LRRC31: variants seen among roughly 807,000 people sequenced by gnomAD.
LRRC31 encodes leucine rich repeat containing 31.
In LRRC31, 35 loss-of-function variants were observed where a neutral mutation model predicts 46.7. The observed-to-expected ratio is 0.75, with a 90% confidence interval of 0.57 to 0.99. The LOEUF (loss-of-function observed/expected upper bound fraction) is 0.99. LRRC31 is among the 50% of genes least tolerant of loss of function. The pLI is 0.00. For synonymous variants in LRRC31, 236 were observed against 235.1 expected (o/e 1.00, Z -0.03); for missense variants, 613 against 626.1 (o/e 0.98, Z 0.22).
Position 169,869,643 on chromosome 3 carries a change from G to A in LRRC31, c.165C>T (p.Thr55=). The change falls in exon 1 of 9, where the codon ACC becomes ACT. Residue 55 remains threonine, a synonymous_variant. Coordinates refer to ENST00000316428, the MANE Select transcript of LRRC31 (RefSeq NM_024727.4). ...QPSDWIQKTA[T]SETAKPLSSE... ...CAGCCAGCAGCTTACCAGTCTCTGA[G>A]GTGGCTGTCTTCTGTATCCAGTCGC... 2 of 1,600,332 alleles carry A rather than the reference G, an allele frequency of 1.2e-6. No individual in the cohort carries two copies. The highest frequency in any genetic ancestry group is 1.7e-6 in the Non-Finnish European group (2 of 1,174,556).
chr3:169,851,546 G>T, intron 7 of LRRC31, 73 bp downstream of exon 7: 1 of 1,439,700 alleles, frequency 6.9e-7, no homozygotes, highest in Non-Finnish European at 9.5e-7. Context: ...GCCTTGGAAT[G>T]AAATGCAGGG....
At chr3:169,867,246 C>CTTTT (rs757102934) in intron 1 of LRRC31, among the ~76,000 whole-genome samples, 6 of 78,778 alleles carry the variant, frequency 7.6e-5, no homozygotes, top group Non-Finnish European at 1.1e-4. Flanking sequence ...GAGATGGAGT[C>CTTTT]TTTTTTTTTT....
At chr3:169,861,631 G>A in intron 2 of LRRC31, 39 bp downstream of exon 2, 1 of 1,603,412 alleles carries the variant, frequency 6.2e-7, no homozygotes. Context: ...CAATGGAAAG[G>A]CCCTATCTTC....
chr3:169,857,415 C>CATATATATATATATAGATATATATATAT (rs1553924970), intron 3 of LRRC31, among the ~76,000 whole-genome samples: 1 of 98,674 alleles, frequency 1.0e-5, no homozygotes, highest in African/African-American at 3.6e-5. Flanking sequence ...TATACATATA[C>CATATATATATATATAGATATATATATAT]ATATATATAT....
intron 3 of LRRC31, among the ~76,000 whole-genome samples, chr3:169,860,102 C>T (rs1039566227): frequency 6.6e-6 from 1 of 151,570 alleles, no homozygotes; most frequent in African/African-American, 2.4e-5. Flanking sequence ...CGAGACTGCA[C>T]CACTGCACTC....
At chr3:169,854,661 A>G (rs546847652) in intron 6 of LRRC31, 152 bp downstream of exon 6, 1 of 570,952 alleles carries the variant, frequency 1.8e-6, no homozygotes, top group South Asian at 2.7e-5. Flanking sequence ...CATGCCAAGT[A>G]CTACATTGGG....
At chr3:169,863,202 A>G (rs901744035) in intron 1 of LRRC31, among the ~76,000 whole-genome samples, 2 of 152,154 alleles carry the variant, frequency 1.3e-5, no homozygotes, top group African/African-American at 4.8e-5. Flanking sequence ...CATTTAAGAC[A>G]TACATAAAAC....
intron 5 of LRRC31, among the ~76,000 whole-genome samples, chr3:169,855,903 A>G (rs1325591225): frequency 6.6e-6 from 1 of 151,998 alleles, no homozygotes; most frequent in Non-Finnish European, 1.5e-5. Context: ...ATAAAATATA[A>G]AATATGTATA....
At chr3:169,863,414 A>C (rs41399944) in intron 1 of LRRC31, among the ~76,000 whole-genome samples, 3,567 of 152,298 alleles carry the variant, frequency 0.023, 126 homozygotes, top group African/African-American at 0.082. Context: ...GAAGAAATAC[A>C]TTGGTACCTG....
intron 8 of LRRC31, among the ~76,000 whole-genome samples, chr3:169,844,930 C>CAAAAAAAAAAAAAAAAAACAAAAA (rs1780559413): frequency 1.0e-5 from 1 of 99,628 alleles, no homozygotes; most frequent in Non-Finnish European, 2.2e-5. Flanking sequence ...GACTCCATCT[C>CAAAAAAAAAAAAAAAAAACAAAAA]AAAAAAAAAA....
rs760305897 is a variant in LRRC31 at position 169,854,893 on chromosome 3, G to A, written c.911C>T (p.Ala304Val). 6.2e-7 allele frequency: 1 copy of A among 1,613,756 alleles called. No individual in the cohort carries two copies. Among genetic ancestry groups the A allele is most frequent in the Non-Finnish European group, 8.5e-7 (1 of 1,179,922 alleles). Residue 304 changes from alanine (A) to valine (V), a missense_variant, in exon 6 of 9, where the codon GCT becomes GTT. Physicochemically the swap from Ala to Val is moderately conservative, Grantham distance 64. Transcript: ENST00000316428. ...DLGGGFEDSPAQLVMLKHLQV... is the reference protein window; with the variant it reads ...DLGGGFEDSPVQLVMLKHLQV... Reference sequence around the variant, plus strand: ...TAGATGCTTTAGCATGACCAACTGAGCCGGCGAGTCTTCAAAACCTCCACC... The same window carrying A: ...TAGATGCTTTAGCATGACCAACTGAACCGGCGAGTCTTCAAAACCTCCACC...
chr3:169,848,641 T>C (rs1325426976), intron 7 of LRRC31, among the ~76,000 whole-genome samples: 1 of 152,166 alleles, frequency 6.6e-6, no homozygotes, highest in African/African-American at 2.4e-5. Context: ...TGTATTTTAA[T>C]AGAGACGCTG....
At chr3:169,859,693 G>A (rs959475945) in intron 3 of LRRC31, among the ~76,000 whole-genome samples, 8 of 152,094 alleles carry the variant, frequency 5.3e-5, no homozygotes, top group African/African-American at 1.9e-4. Flanking sequence ...TAAAAATCTT[G>A]TTTTGTTTAA....
At chr3:169,863,313 T>C (rs1328794215) in intron 1 of LRRC31, among the ~76,000 whole-genome samples, 1 of 152,236 alleles carries the variant, frequency 6.6e-6, no homozygotes, top group Non-Finnish European at 1.5e-5. Context: ...ATAGATTATG[T>C]ATATTGAAAT....
chr3:169,860,632 T>C lies in LRRC31; in HGVS notation c.416A>G (p.His139Arg). The C allele has an allele frequency of 6.2e-7, 1 of 1,614,194 alleles. No individual in the cohort carries two copies. Among genetic ancestry groups the C allele is most frequent in the Non-Finnish European group, 8.5e-7 (1 of 1,180,016 alleles). Residue 139 changes from histidine (H) to arginine (R), a missense_variant, in exon 3 of 9, where the codon CAT becomes CGT. Coordinates refer to ENST00000316428, the MANE Select transcript of LRRC31 (RefSeq NM_024727.4). ...GTLLSITQQM[H>R]LVSKLKILRL... ...CAAGATTTTTAACTTGCTGACCAGA[T>C]GCATTTGCTGAGTGATGGAAAGGAG...
chr3:169,855,011 A>T, intron 5 of LRRC31, 31 bp from the exon 6 acceptor site: 1 of 1,584,672 alleles, frequency 6.3e-7, no homozygotes, highest in South Asian at 1.1e-5. Flanking sequence ...CCATTCTGGT[A>T]GCTGGACACA....
chr3:169,869,603 C>T (rs199725962), intron 1 of LRRC31, 30 bp downstream of exon 1: 27 of 1,534,922 alleles, frequency 1.8e-5, no homozygotes, highest in Non-Finnish European at 2.3e-5. Flanking sequence ...ACAAATACAA[C>T]AGCAAAAACA....
Position 169,854,957 on chromosome 3 carries a change from C to T in LRRC31, c.847G>A (p.Glu283Lys). 6.2e-7 allele frequency: 1 copy of T among 1,611,000 alleles called. No individual in the cohort carries two copies. Among genetic ancestry groups the T allele is most frequent in the Non-Finnish European group, 8.5e-7 (1 of 1,179,860 alleles). The change falls in exon 6 of 9, where the codon GAG becomes AAG. Residue 283 changes from glutamate to lysine, a missense_variant. Transcript: ENST00000316428. The stretch of plus-strand genomic sequence containing the variant: ...CAGGAAAGATCTAATTTCCTCAGCT[C>T]ACCCAAATACCTAAAAGCAGCATCT... ...ILDAAFRYLG[E>K]LRKLDLSCNK...
At chr3:169,849,294 T>C (rs1371439229) in intron 7 of LRRC31, among the ~76,000 whole-genome samples, 1 of 152,192 alleles carries the variant, frequency 6.6e-6, no homozygotes, top group Non-Finnish European at 1.5e-5. Flanking sequence ...CTAAAAGTGA[T>C]GTAGGGAAAT....
Sources: allele counts gnomAD v4.1 joint callset (sites outside exome capture counted in the v4.1 genomes callset), GRCh38; gene constraint gnomAD v4.1.1; transcripts MANE v1.5; gene names NCBI Gene and HGNC (gene_info 2026-07-23, HGNC 2026-07-21).